Variants in GRIN2A observed in about 807,000 individuals in gnomAD.
GRIN2A encodes the protein glutamate ionotropic receptor NMDA type subunit 2A, also known as glutamate receptor ionotropic, NMDA 2A.
A neutral mutation model predicts 113.4 loss-of-function variants in GRIN2A; 22 were observed. That is an observed-to-expected ratio of 0.19 (90% CI 0.14 to 0.28). The LOEUF (loss-of-function observed/expected upper bound fraction) is 0.28, where lower values mean the gene tolerates loss of function less well. Ranked by LOEUF, GRIN2A falls within the 10% of genes least tolerant of loss-of-function variation. GRIN2A has a pLI of 1.00. For missense variants in GRIN2A, 1,502 were observed against 1,887.0 expected, an observed-to-expected ratio of 0.80 and a Z score of 3.78; for synonymous variants, 827 against 738.4, an observed-to-expected ratio of 1.12 and a Z score of -1.94.
At chr16:10,095,925 T>A (rs755144572) in intron 2 of GRIN2A, among the ~76,000 whole-genome samples, 2 of 152,208 alleles carry the variant, frequency 1.3e-5, no homozygotes, top group Non-Finnish European at 2.9e-5. Context: ...TGAATCTGAA[T>A]AAAGAGAATA....
At chr16:10,044,665 A>C (rs771778946) in intron 2 of GRIN2A, among the ~76,000 whole-genome samples, 20 of 149,954 alleles carry the variant, frequency 1.3e-4, no homozygotes, top group Admixed American at 4.0e-4. Flanking sequence ...TAGATGCTCA[A>C]TAAATGTTAT....
chr16:10,101,725 T>C (rs1365570735), intron 2 of GRIN2A, among the ~76,000 whole-genome samples: 1 of 152,190 alleles, frequency 6.6e-6, no homozygotes, highest in African/African-American at 2.4e-5. Flanking sequence ...CCTTGGAAAT[T>C]GCTATATATC....
At chr16:9,907,476 GT>G (rs2044049188) in intron 3 of GRIN2A, among the ~76,000 whole-genome samples, 1 of 152,122 alleles carries the variant, frequency 6.6e-6, no homozygotes, top group African/African-American at 2.4e-5. Flanking sequence ...AAGTGTGGCT[GT>G]AAGTAGACAT....
rs1015925540 is a variant in GRIN2A at position 9,762,462 on chromosome 16, T to A, written c.*687A>T. 9 of 222,102 alleles carry A rather than the reference T, an allele frequency of 4.1e-5. No individual in the cohort carries two copies. The highest frequency in any genetic ancestry group is 6.3e-5 in the Non-Finnish European group (7 of 110,954). The allele number at this position is 222,102 out of a possible 1,614,324, so 13.8% of individuals were successfully genotyped here. A position where few individuals can be genotyped will look rare whatever the true frequency, so the allele number is the denominator to read the frequency against. ...TCCTGTAGCTCTCCCCACCTGAGGGTCCCTCGGGCCTTTGGCTCCAGATGT... is the reference window on the plus strand; with the variant it reads ...TCCTGTAGCTCTCCCCACCTGAGGGACCCTCGGGCCTTTGGCTCCAGATGT... On this transcript the variant is annotated 3_prime_UTR_variant, in exon 13 of 13. Transcript: ENST00000330684.
intron 2 of GRIN2A, among the ~76,000 whole-genome samples, chr16:9,955,787 T>C (rs2045293395): frequency 6.6e-6 from 1 of 152,210 alleles, no homozygotes; most frequent in Admixed American, 6.5e-5. Context: ...GCAGCTTGCC[T>C]AAGTGCATCA....
At position 9,937,974 on chromosome 16, in the gene GRIN2A, A is replaced by C; in HGVS notation, c.992T>G (p.Met331Arg). 6.2e-7 allele frequency: 1 copy of C among 1,613,452 alleles called. No homozygotes were observed. Among genetic ancestry groups the C allele is most frequent in the East Asian group, 2.2e-5 (1 of 44,812 alleles). ...CCTTTCTTACGGGTGCAAGGTGTGC[A>C]TCGGGACCTCTGGCCTCTCCATCTG... ...YGQMERPEVP[M>R]HTLHPFMVNV... The change falls in exon 3 of 13, where the codon ATG becomes AGG. Residue 331 changes from methionine to arginine, a missense_variant. This residue lies in a region of GRIN2A where 334 missense variants were observed against 403.0 expected (regional missense o/e 0.83). Coordinates refer to ENST00000330684, the MANE Select transcript of GRIN2A (RefSeq NM_001134407.3).
rs1275736385 is a variant in GRIN2A, at chr16:9,759,822, A to T, written c.*3327T>A. 2 of 229,330 alleles carry T rather than the reference A, an allele frequency of 8.7e-6. No individual in the cohort carries two copies. The highest frequency in any genetic ancestry group is 1.7e-5 in the Non-Finnish European group (2 of 115,646). 14.2% of individuals were successfully genotyped at this position (229,330 alleles called of 1,614,324 possible). A position where few individuals can be genotyped will look rare whatever the true frequency, so the allele number is the denominator to read the frequency against. On this transcript the variant is annotated 3_prime_UTR_variant, in exon 13 of 13. Coordinates refer to ENST00000330684, the MANE Select transcript of GRIN2A (RefSeq NM_001134407.3). Reference sequence around the variant, plus strand: ...CTTGCCAGCTCAGAGCATTGAAACCATAAGTGGCCTAAGAACCTGCAGATG... The same window carrying T: ...CTTGCCAGCTCAGAGCATTGAAACCTTAAGTGGCCTAAGAACCTGCAGATG...
At chr16:10,097,495 G>A (rs908279338) in intron 2 of GRIN2A, among the ~76,000 whole-genome samples, 1 of 152,110 alleles carries the variant, frequency 6.6e-6, no homozygotes, top group Non-Finnish European at 1.5e-5. Flanking sequence ...AGTGAGATTG[G>A]ATCAGCAGTT....
rs574644421 is a variant in GRIN2A, at chr16:9,882,238, T to A, written c.1122+8748A>T. ...GATAGGAGGGAGCTATAGCATTCTATAATTACAAATCACATCATGTAATAA... is the reference window on the plus strand; with the variant it reads ...GATAGGAGGGAGCTATAGCATTCTAAAATTACAAATCACATCATGTAATAA... On this transcript the variant is annotated intron_variant, in intron 4 of 12. Coordinates refer to ENST00000330684, the MANE Select transcript of GRIN2A (RefSeq NM_001134407.3). Among the ~76,000 whole-genome samples, 14 of 152,310 alleles carry A rather than the reference T, an allele frequency of 9.2e-5. No homozygotes were observed. In the South Asian group the frequency reaches 2.9e-3, roughly 32 times the overall value.
chr16:9,872,761 G>A (rs1271116363), intron 4 of GRIN2A, among the ~76,000 whole-genome samples: 2 of 152,232 alleles, frequency 1.3e-5, no homozygotes, highest in East Asian at 1.9e-4. Flanking sequence ...GGTGGCTCAC[G>A]CTTTTAATCC....
chr16:9,899,858 C>A (rs1270164702), intron 3 of GRIN2A, among the ~76,000 whole-genome samples: 1 of 152,168 alleles, frequency 6.6e-6, no homozygotes, highest in Non-Finnish European at 1.5e-5. Flanking sequence ...GATTCCAGTA[C>A]AACAACTGCC....
At chr16:9,979,659 A>G (rs2045848629) in intron 2 of GRIN2A, among the ~76,000 whole-genome samples, 2 of 152,002 alleles carry the variant, frequency 1.3e-5, no homozygotes, top group South Asian at 4.2e-4. Context: ...GGACATGAAA[A>G]GACTGTATCC....
In GRIN2A at chr16:9,998,499, C is replaced by T. The variant is rs191212037; in HGVS notation, c.415-59948G>A. Among the ~76,000 whole-genome samples, 78 of 152,272 alleles carry T rather than the reference C, an allele frequency of 5.1e-4. 1 individual carries two copies. The highest frequency in any genetic ancestry group is 1.9e-3 in the South Asian group (9 of 4,830). ...GTCCTTGCACAACATTGTGAATGTA[C>T]TTAATGTCACTGAATTGTACTCTTT... On this transcript the variant is annotated intron_variant, in intron 2 of 12. Coordinates refer to ENST00000330684, the MANE Select transcript of GRIN2A (RefSeq NM_001134407.3).
At chr16:10,129,183 G>C (rs543476862) in intron 2 of GRIN2A, among the ~76,000 whole-genome samples, 2 of 151,936 alleles carry the variant, frequency 1.3e-5, no homozygotes, top group Non-Finnish European at 2.9e-5. Context: ...TCAAGTGATC[G>C]TCCTACCTCA....
chr16:10,105,686 C>T (rs2048485464), intron 2 of GRIN2A, among the ~76,000 whole-genome samples: 1 of 151,970 alleles, frequency 6.6e-6, no homozygotes, highest in African/African-American at 2.4e-5. Context: ...GTGGGCAGAT[C>T]TCCTGAGGTT....
At chr16:9,926,500 T>A (rs1484010752) in intron 3 of GRIN2A, among the ~76,000 whole-genome samples, 1 of 152,206 alleles carries the variant, frequency 6.6e-6, no homozygotes, top group African/African-American at 2.4e-5. Context: ...TTGTACACAC[T>A]TCCAGTTGTG....
chr16:10,075,560 C>T (rs2047855503), intron 2 of GRIN2A, among the ~76,000 whole-genome samples: 1 of 152,116 alleles, frequency 6.6e-6, no homozygotes, highest in Non-Finnish European at 1.5e-5. Flanking sequence ...CTTAACGCCA[C>T]TGAACTTAAA....
rs994799879 is a variant in GRIN2A, at chr16:10,025,228, C to T, written c.415-86677G>A. Among the ~76,000 whole-genome samples, 4 of 149,840 alleles carry T rather than the reference C, an allele frequency of 2.7e-5. No individual in the cohort carries two copies. In the South Asian group the frequency reaches 6.4e-4, roughly 24 times the overall value. On this transcript the variant is annotated intron_variant, in intron 2 of 12. Coordinates refer to ENST00000330684, the MANE Select transcript of GRIN2A (RefSeq NM_001134407.3). The stretch of plus-strand genomic sequence containing the variant: ...AAAACTATCATGCTTATAGGAAACT[C>T]GTGGCTCTGGGGTTTAACGAAAGGT...
intron 4 of GRIN2A, among the ~76,000 whole-genome samples, chr16:9,881,581 G>A (rs79238852): frequency 0.04 from 6,158 of 152,214 alleles, 445 homozygotes; most frequent in African/African-American, 0.14. Flanking sequence ...GGAACTACAC[G>A]TATAAAAAGC....
Sources: allele counts gnomAD v4.1 joint callset (sites outside exome capture counted in the v4.1 genomes callset), GRCh38; gene constraint gnomAD v4.1.1; regional missense constraint gnomAD v4.1.1; transcripts MANE v1.5; gene names NCBI Gene and HGNC (gene_info 2026-07-23, HGNC 2026-07-21).